Variants in ANXA8 observed in about 807,000 individuals in gnomAD.
ANXA8 encodes the protein annexin A8.
ANXA8 carries 9 observed loss-of-function variants against 26.8 expected under a neutral mutation model. That is an observed-to-expected ratio of 0.34 (90% CI 0.20 to 0.59). The LOEUF (loss-of-function observed/expected upper bound fraction) is 0.59. Among genes scored for constraint, ANXA8 ranks in the 20% least tolerant of loss-of-function variants. The pLI is 0.84. For missense variants in ANXA8, 83 were observed against 238.5 expected (o/e 0.35, Z 4.29); for synonymous variants, 39 against 94.8 (o/e 0.41, Z 3.42).
chr10:47,615,512 C>T, the ANXA8 span, among the ~76,000 whole-genome samples: 2 of 74,164 alleles, frequency 2.7e-5, 1 homozygote, highest in East Asian at 5.3e-4. Context: ...TGACCATTCA[C>T]ACCTGTACCT....
the ANXA8 span, among the ~76,000 whole-genome samples, chr10:47,947,821 C>T: frequency 6.6e-6 from 1 of 150,468 alleles, no homozygotes; most frequent in Admixed American, 6.6e-5. Context: ...CAGATTAGTA[C>T]AACAGGGTTC....
chr10:47,975,190 T>G, the ANXA8 span, among the ~76,000 whole-genome samples: 3 of 149,420 alleles, frequency 2.0e-5, no homozygotes, highest in Non-Finnish European at 4.5e-5. Flanking sequence ...TTTGAATTCA[T>G]GTCAGCACCA....
At chr10:47,958,640 C>T in the ANXA8 span, among the ~76,000 whole-genome samples, 8 of 148,158 alleles carry the variant, frequency 5.4e-5, no homozygotes, top group Admixed American at 2.0e-4. Flanking sequence ...CAGTCTATGC[C>T]GGAGGTACTC....
At chr10:47,653,725 A>G in the ANXA8 span, among the ~76,000 whole-genome samples, 1 of 148,916 alleles carries the variant, frequency 6.7e-6, no homozygotes, top group African/African-American at 2.6e-5. Flanking sequence ...GGCTCACTGC[A>G]ACCTCCGCCT....
At chr10:47,513,353 C>T in the ANXA8 span, among the ~76,000 whole-genome samples, 28 of 141,972 alleles carry the variant, frequency 2.0e-4, 3 homozygotes, top group Admixed American at 1.9e-3. Flanking sequence ...TTTGATATGC[C>T]GTTGGGAACT....
chr10:47,959,507 G>C, the ANXA8 span, among the ~76,000 whole-genome samples: 3 of 148,836 alleles, frequency 2.0e-5, no homozygotes, highest in Admixed American at 6.7e-5. Context: ...AGGGTCCATT[G>C]TTAGGAAACT....
chr10:47,743,063 C>T, the ANXA8 span, among the ~76,000 whole-genome samples: 3 of 137,928 alleles, frequency 2.2e-5, no homozygotes, highest in African/African-American at 5.4e-5. Flanking sequence ...CCCAGCTACT[C>T]GGGAGGCTGA....
the ANXA8 span, among the ~76,000 whole-genome samples, chr10:47,978,490 GT>G: frequency 4.5e-5 from 5 of 110,424 alleles, no homozygotes; most frequent in Non-Finnish European, 9.8e-5. Flanking sequence ...ATAAAACTGG[GT>G]TGTTGGGCTT....
chr10:47,930,509 CAG>C, the ANXA8 span, among the ~76,000 whole-genome samples: 4 of 145,796 alleles, frequency 2.7e-5, no homozygotes, highest in African/African-American at 7.6e-5. Context: ...TCTCAAAAAA[CAG>C]AAGACTAATT....
the ANXA8 span, chr10:47,582,411 C>T: frequency 1.4e-5 from 2 of 145,206 alleles, no homozygotes; most frequent in East Asian, 4.0e-4. Flanking sequence ...AAACTAGGGC[C>T]ACCATGGTAG....
At chr10:47,619,509 T>C in the ANXA8 span, among the ~76,000 whole-genome samples, 1 of 116,130 alleles carries the variant, frequency 8.6e-6, no homozygotes, top group Admixed American at 9.0e-5. Flanking sequence ...TTGCCATTAA[T>C]GATTCACCAC....
chr10:47,560,114 T>A, the ANXA8 span, among the ~76,000 whole-genome samples: 1 of 151,810 alleles, frequency 6.6e-6, no homozygotes, highest in Non-Finnish European at 1.5e-5. Context: ...GACATTCTGT[T>A]TACACTGTTG....
the ANXA8 span, among the ~76,000 whole-genome samples, chr10:47,576,401 G>A: frequency 1.4e-5 from 2 of 141,956 alleles, no homozygotes; most frequent in Non-Finnish European, 3.2e-5. Context: ...GTGTGCTTTA[G>A]GTTGTATGTA....
chr10:47,951,335 C>T, the ANXA8 span, among the ~76,000 whole-genome samples: 1 of 150,910 alleles, frequency 6.6e-6, no homozygotes, highest in Non-Finnish European at 1.5e-5. Context: ...GCTCCAGTGA[C>T]TTCTCTAGTG....
At chr10:47,940,783 A>AT in the ANXA8 span, among the ~76,000 whole-genome samples, 5 of 144,176 alleles carry the variant, frequency 3.5e-5, no homozygotes, top group African/African-American at 1.4e-4. Flanking sequence ...AGCCGAGATC[A>AT]TGCCACTGCA....
chr10:47,525,602 G>T, the ANXA8 span, among the ~76,000 whole-genome samples: 75 of 137,364 alleles, frequency 5.5e-4, 7 homozygotes, highest in African/African-American at 2.0e-3. Flanking sequence ...AGAAAGTAAA[G>T]GTAGAAGTCA....
At chr10:47,734,857 A>G in the ANXA8 span, among the ~76,000 whole-genome samples, 1 of 126,330 alleles carries the variant, frequency 7.9e-6, no homozygotes, top group Admixed American at 7.9e-5. Context: ...CATCTCTACT[A>G]AAAATACAAA....
At chr10:47,668,303 T>G in the ANXA8 span, among the ~76,000 whole-genome samples, 1 of 150,464 alleles carries the variant, frequency 6.6e-6, no homozygotes, top group Non-Finnish European at 1.5e-5. Context: ...GGATGGAGTA[T>G]CTACTCTTTT....
the ANXA8 span, among the ~76,000 whole-genome samples, chr10:47,495,571 C>T: frequency 2.2e-3 from 329 of 150,436 alleles, 3 homozygotes; most frequent in Middle Eastern, 0.014. Flanking sequence ...CAGGCATGAG[C>T]CACTGCCCAG....
Sources: allele counts gnomAD v4.1 joint callset (sites outside exome capture counted in the v4.1 genomes callset), GRCh38; gene constraint gnomAD v4.1.1; transcripts MANE v1.5; gene names NCBI Gene and HGNC (gene_info 2026-07-23, HGNC 2026-07-21).